Variants in SNAP25 observed in about 807,000 individuals in gnomAD.
SNAP25 encodes the protein synaptosome associated protein 25, also known as synaptosomal-associated protein 25.
SNAP25 carries 3 observed loss-of-function variants against 28.7 expected under a neutral mutation model. That is an observed-to-expected ratio of 0.10 (90% CI 0.05 to 0.27). SNAP25 has a LOEUF of 0.27. SNAP25 is among the 10% of genes least tolerant of loss of function. The pLI is 1.00. For missense variants in SNAP25, 117 were observed against 278.7 expected (o/e 0.42, Z 4.13); for synonymous variants, 61 against 88.1 (o/e 0.69, Z 1.72).
intron 1 of SNAP25, among the ~76,000 whole-genome samples, chr20:10,227,363 C>T (rs1298953595): frequency 6.6e-6 from 1 of 152,118 alleles, no homozygotes; most frequent in Non-Finnish European, 1.5e-5. Flanking sequence ...GTGCCTGCCA[C>T]ACCCATGTAT....
Position 10,275,495 on chromosome 20 carries a change from G to T in SNAP25, c.4G>T (p.Ala2Ser). The T allele has an allele frequency of 6.2e-7, 1 of 1,603,606 alleles. No individual in the cohort carries two copies. The highest frequency in any genetic ancestry group is 8.5e-7 in the Non-Finnish European group (1 of 1,174,708). Reference protein sequence around the residue: MAEDADMRNELE... With the variant: MSEDADMRNELE... ...CCAGCCACTCCCCACCGCTACCATG[G>T]CCGAAGACGCAGACATGCGCAATGA... Residue 2 changes from alanine to serine, a missense_variant, in exon 2 of 8, where the codon GCC becomes TCC. Physicochemically the swap from Ala to Ser is moderately conservative, Grantham distance 99. This residue lies in a region of SNAP25 where 29 missense variants were observed against 53.5 expected (regional missense o/e 0.54). Coordinates refer to ENST00000254976, the MANE Select transcript of SNAP25 (RefSeq NM_130811.4).
At chr20:10,245,293 G>A (rs919508766) in intron 1 of SNAP25, among the ~76,000 whole-genome samples, 1 of 152,092 alleles carries the variant, frequency 6.6e-6, no homozygotes, top group South Asian at 2.1e-4. Context: ...GAATTCAGAC[G>A]GTCTTTGGTT....
At chr20:10,267,470 AG>A (rs1210038690) in intron 1 of SNAP25, among the ~76,000 whole-genome samples, 1 of 152,224 alleles carries the variant, frequency 6.6e-6, no homozygotes, top group Non-Finnish European at 1.5e-5. Context: ...GGATTTACTG[AG>A]GTGAACCTGT....
intron 4 of SNAP25, 94 bp downstream of exon 4, chr20:10,284,866 G>A: frequency 1.0e-6 from 1 of 965,498 alleles, no homozygotes; most frequent in Non-Finnish European, 1.7e-6. Context: ...GCTTTGACAT[G>A]TGTTACACAT....
At chr20:10,252,854 A>G (rs2063256139) in intron 1 of SNAP25, among the ~76,000 whole-genome samples, 1 of 151,152 alleles carries the variant, frequency 6.6e-6, no homozygotes, top group South Asian at 2.1e-4. Flanking sequence ...AGTTTTGGCC[A>G]CTTAGTAAGT....
intron 4 of SNAP25, among the ~76,000 whole-genome samples, chr20:10,285,013 T>C (rs6077721): frequency 6.6e-6 from 1 of 151,852 alleles, no homozygotes; most frequent in African/African-American, 2.4e-5. Context: ...TTATATATGT[T>C]GGGGTAACTG....
chr20:10,240,210 C>T (rs187832715), intron 1 of SNAP25, among the ~76,000 whole-genome samples: 3 of 152,114 alleles, frequency 2.0e-5, no homozygotes, highest in Non-Finnish European at 4.4e-5. Context: ...CAGTCCCTTA[C>T]CACGTGACCC....
Position 10,263,009 on chromosome 20 carries a change from C to CT in SNAP25, c.-63-12393dup, listed in dbSNP as rs57690835. 1.1e-3 allele frequency among the ~76,000 whole-genome samples: 58 copies of CT among 50,632 alleles called. 11 individuals carry two copies. The highest frequency in any genetic ancestry group is 1.1e-3 in the Non-Finnish European group (32 of 29,108). The allele number at this position is 50,632 out of a possible 152,430, so 33.2% of individuals were successfully genotyped here. On this transcript the variant is annotated intron_variant, in intron 1 of 7. Transcript: ENST00000254976. The stretch of plus-strand genomic sequence containing the variant: ...TCAGGCGAAGCAACCCTGGGGTGCT[C>CT]TTTTTTTTTTTTTTTTTTTTTTTTT...
intron 4 of SNAP25, among the ~76,000 whole-genome samples, chr20:10,291,899 C>T (rs1316930551): frequency 8.5e-5 from 13 of 152,140 alleles, no homozygotes; most frequent in Admixed American, 8.5e-4. Context: ...TTTAAAAATC[C>T]TTTCATTGAA....
intron 1 of SNAP25, among the ~76,000 whole-genome samples, chr20:10,273,984 T>A (rs750671743): frequency 6.6e-6 from 1 of 152,098 alleles, no homozygotes; most frequent in Non-Finnish European, 1.5e-5. Context: ...AGTGTAATTA[T>A]CATCATCCTG....
chr20:10,224,005 A>G (rs1470450124), intron 1 of SNAP25, among the ~76,000 whole-genome samples: 7 of 152,200 alleles, frequency 4.6e-5, no homozygotes, highest in Admixed American at 2.6e-4. Context: ...CACTCATTCT[A>G]AAAGTGTTTA....
intron 1 of SNAP25, among the ~76,000 whole-genome samples, chr20:10,244,798 T>C (rs2063098365): frequency 6.6e-6 from 1 of 151,636 alleles, no homozygotes; most frequent in Non-Finnish European, 1.5e-5. Context: ...TGGCATGGTC[T>C]TGGTTCCCTG....
intron 4 of SNAP25, among the ~76,000 whole-genome samples, chr20:10,288,016 G>A (rs549938738): frequency 6.6e-6 from 1 of 151,846 alleles, no homozygotes. Flanking sequence ...TTGTGGGGTG[G>A]GGGGAGAGGG....
intron 5 of SNAP25, chr20:10,296,664 C>T: frequency 2.3e-6 from 1 of 441,276 alleles, no homozygotes; most frequent in Non-Finnish European, 4.0e-6. Flanking sequence ...AACTAAACCA[C>T]AAAACAAACC....
At chr20:10,268,490 C>A (rs1212754259) in intron 1 of SNAP25, among the ~76,000 whole-genome samples, 1 of 152,156 alleles carries the variant, frequency 6.6e-6, no homozygotes, top group Non-Finnish European at 1.5e-5. Context: ...CTGAGACATT[C>A]CTGTCCTTTG....
At chr20:10,279,865 T>C (rs2063750328) in intron 3 of SNAP25, among the ~76,000 whole-genome samples, 2 of 152,250 alleles carry the variant, frequency 1.3e-5, no homozygotes, top group South Asian at 4.1e-4. Flanking sequence ...AGTAGATTGA[T>C]TTGCTCTTAC....
chr20:10,251,818 C>A (rs534928866), intron 1 of SNAP25, among the ~76,000 whole-genome samples: 2 of 152,222 alleles, frequency 1.3e-5, no homozygotes, highest in South Asian at 4.2e-4. Context: ...ATATGTTCCT[C>A]CTAGAAAGTG....
chr20:10,304,781 T>A (rs1044242915), intron 7 of SNAP25, among the ~76,000 whole-genome samples: 8 of 152,200 alleles, frequency 5.3e-5, no homozygotes, highest in South Asian at 4.1e-4. Context: ...TGATTTTTTT[T>A]AAATGTGAAA....
intron 1 of SNAP25, among the ~76,000 whole-genome samples, chr20:10,242,083 C>T (rs2063044249): frequency 6.6e-6 from 1 of 152,210 alleles, no homozygotes; most frequent in Non-Finnish European, 1.5e-5. Context: ...AGAACCCTAA[C>T]TGCTGTCTCC....
Sources: allele counts gnomAD v4.1 joint callset (sites outside exome capture counted in the v4.1 genomes callset), GRCh38; gene constraint gnomAD v4.1.1; regional missense constraint gnomAD v4.1.1; transcripts MANE v1.5; gene names NCBI Gene and HGNC (gene_info 2026-07-23, HGNC 2026-07-21).